RYR2: variants seen among roughly 807,000 people sequenced by gnomAD.
The protein encoded by RYR2 is cardiac muscle ryanodine receptor-calcium release channel.
In RYR2, 227 loss-of-function variants were observed where a neutral mutation model predicts 601.1. The ratio of observed to expected loss-of-function variants is 0.38; its 90% CI spans 0.34 to 0.42. The LOEUF (loss-of-function observed/expected upper bound fraction) is 0.42. Among genes scored for constraint, RYR2 ranks in the 10% least tolerant of loss-of-function variants. RYR2 has a pLI of 1.00. For synonymous variants in RYR2, 2,223 were observed against 2,175.1 expected (o/e 1.02, Z -0.61); for missense variants, 4,646 against 6,156.5 (o/e 0.75, Z 8.21).
chr1:237,804,536 C>A (rs1473153642), intron 98 of RYR2, among the ~76,000 whole-genome samples: 1 of 152,018 alleles, frequency 6.6e-6, no homozygotes, highest in East Asian at 1.9e-4. Flanking sequence ...AGACTGTAGT[C>A]CCATAAGTAA....
chr1:237,369,310 A>AT (rs1172091506), intron 5 of RYR2, among the ~76,000 whole-genome samples: 1 of 152,062 alleles, frequency 6.6e-6, no homozygotes, highest in African/African-American at 2.4e-5. Flanking sequence ...TACCAAGTTT[A>AT]TTTTTCAAGA....
intron 10 of RYR2, among the ~76,000 whole-genome samples, chr1:237,394,406 T>C (rs907498899): frequency 1.3e-5 from 2 of 152,328 alleles, no homozygotes; most frequent in African/African-American, 4.8e-5. Context: ...AATAGAGCTA[T>C]TGTGGCAAAC....
chr1:237,450,981 GTTTATATTGCATATATA>G (rs1658020398), intron 14 of RYR2, among the ~76,000 whole-genome samples: 1 of 151,840 alleles, frequency 6.6e-6, no homozygotes, highest in Non-Finnish European at 1.5e-5. Context: ...CAGTAATCAT[GTTTATATTGCATATATA>G]TTTATATTGC....
At chr1:237,827,885 C>T (rs766685504) in intron 101 of RYR2, among the ~76,000 whole-genome samples, 8 of 131,130 alleles carry the variant, frequency 6.1e-5, no homozygotes, top group Non-Finnish European at 1.1e-4. Flanking sequence ...TGCAGTGAGC[C>T]GAGATTGTGC....
chr1:237,714,056 A>C (rs1689060860), intron 71 of RYR2, among the ~76,000 whole-genome samples: 1 of 152,028 alleles, frequency 6.6e-6, no homozygotes, highest in African/African-American at 2.4e-5. Context: ...TTCTGTTCAT[A>C]ATGTGGCAAA....
chr1:237,318,671 A>G (rs987399214), intron 2 of RYR2, among the ~76,000 whole-genome samples: 1 of 152,152 alleles, frequency 6.6e-6, no homozygotes, highest in African/African-American at 2.4e-5. Context: ...AAAGTCAGCC[A>G]TTAATCATAT....
intron 17 of RYR2, among the ~76,000 whole-genome samples, chr1:237,482,950 C>T (rs960976849): frequency 6.6e-6 from 1 of 152,060 alleles, no homozygotes; most frequent in African/African-American, 2.4e-5. Flanking sequence ...CTCTGATGAT[C>T]CTTCACTGCA....
intron 1 of RYR2, among the ~76,000 whole-genome samples, chr1:237,168,863 T>G (rs1677016079): frequency 6.6e-6 from 1 of 152,208 alleles, no homozygotes; most frequent in Non-Finnish European, 1.5e-5. Flanking sequence ...CTAGGAATAT[T>G]TAAGTCTATC....
At chr1:237,261,359 T>C (rs1031730039) in intron 1 of RYR2, among the ~76,000 whole-genome samples, 1 of 152,196 alleles carries the variant, frequency 6.6e-6, no homozygotes, top group East Asian at 1.9e-4. Context: ...GGTCTTACAC[T>C]GACATCAAGG....
chr1:237,591,880 A>G (rs539759833), intron 32 of RYR2, 27 bp downstream of exon 32: 1 of 1,541,864 alleles, frequency 6.5e-7, no homozygotes, highest in African/African-American at 1.4e-5. Flanking sequence ...TTTGTCGTTT[A>G]TTTCTATCTG....
At position 237,634,956 on chromosome 1, in the gene RYR2, A is replaced by G. The variant is rs1213427497; in HGVS notation, c.6756A>G (p.Glu2252=). ...CAGCTTCGGTGATGGATAATAATGA[A>G]CTAGCATTAGCTCTGCGTGAGCCGG... ...VAAASVMDNN[E]LALALREPDL... The change falls in exon 44 of 105, where the codon GAA becomes GAG. Residue 2252 remains glutamate, a synonymous_variant. Transcript: ENST00000366574. 6.2e-7 allele frequency: 1 copy of G among 1,608,586 alleles called. No individual in the cohort carries two copies. Among genetic ancestry groups the G allele is most frequent in the South Asian group, 1.1e-5 (1 of 89,368 alleles).
intron 1 of RYR2, among the ~76,000 whole-genome samples, chr1:237,177,498 C>G (rs922110797): frequency 1.3e-5 from 2 of 152,108 alleles, no homozygotes; most frequent in African/African-American, 4.8e-5. Context: ...AAACTGCATA[C>G]GAGCATGTTA....
rs574550057 is a variant in RYR2 at position 237,779,193 on chromosome 1, T to A, written c.11880+423T>A. ...TACAGGGTCTTAAACAAGCAGATGT[T>A]CTCAGTAGGGCGATGCTTACCCCTA... is the stretch of plus-strand genomic sequence containing the variant. On this transcript the variant is annotated intron_variant, in intron 88 of 104. Coordinates refer to ENST00000366574, the MANE Select transcript of RYR2 (RefSeq NM_001035.3). Among the ~76,000 whole-genome samples, 19 of 152,282 alleles carry A rather than the reference T, an allele frequency of 1.2e-4. No homozygotes were observed. The South Asian group carries it at 3.3e-3, about 27-fold the overall frequency.
chr1:237,271,669 C>T (rs1047491066), intron 2 of RYR2, among the ~76,000 whole-genome samples: 5 of 152,148 alleles, frequency 3.3e-5, no homozygotes, highest in East Asian at 3.9e-4. Flanking sequence ...GAGGGTAAAA[C>T]TCACAGCCAC....
Position 237,727,054 on chromosome 1 carries a change from G to C in RYR2, c.10726-33G>C, listed in dbSNP as rs73101968. On this transcript the variant is annotated intron_variant, in intron 75 of 104. Coordinates refer to ENST00000366574, the MANE Select transcript of RYR2 (RefSeq NM_001035.3). Reference sequence around the variant, plus strand: ...TATTTGTTTTTGAAGGTAGTTTGGGGTGTAAATATTTATTTGTGTCATTCT... The same window carrying C: ...TATTTGTTTTTGAAGGTAGTTTGGGCTGTAAATATTTATTTGTGTCATTCT... 2.9e-6 allele frequency: 3 copies of C among 1,041,652 alleles called. No individual in the cohort carries two copies. In the South Asian group the frequency reaches 3.8e-5, roughly 13 times the overall value. The allele number at this position is 1,041,652 out of a possible 1,614,324, so 64.5% of individuals were successfully genotyped here. A position where few individuals can be genotyped will look rare whatever the true frequency, so the allele number is the denominator to read the frequency against.
Position 237,707,146 on chromosome 1 carries a change from C to T in RYR2, c.9778C>T (p.Arg3260Trp), listed in dbSNP as rs765325906. 5.5e-5 allele frequency: 88 copies of T among 1,613,618 alleles called. No homozygotes were observed. Among genetic ancestry groups the T allele is most frequent in the South Asian group, 8.8e-5 (8 of 91,060 alleles). ...WEHGPENNPE[R>W]AEMCCTALNS... is the part of the protein sequence containing the mutation. ...GCATGGACCTGAGAACAATCCAGAA[C>T]GGGCCGAGATGTGCTGCACAGCCCT... The change falls in exon 68 of 105, where the codon CGG (arginine) becomes TGG (tryptophan). Residue 3260 changes from arginine to tryptophan, a missense_variant. Physicochemically the swap from Arg to Trp is moderately radical, Grantham distance 101 (BLOSUM62 -3). Around this residue, in one of 17 missense-constraint regions of RYR2, gnomAD observed 1,497 missense variants for 1,842.6 expected, o/e 0.81. Coordinates refer to ENST00000366574, the MANE Select transcript of RYR2 (RefSeq NM_001035.3).
chr1:237,400,361 C>G (rs938948044), intron 10 of RYR2, among the ~76,000 whole-genome samples: 1 of 152,104 alleles, frequency 6.6e-6, no homozygotes, highest in Non-Finnish European at 1.5e-5. Flanking sequence ...AAGGAGGTGG[C>G]AAGAGGTCAG....
At chr1:237,318,475 G>T (rs762136019) in intron 2 of RYR2, among the ~76,000 whole-genome samples, 3 of 152,066 alleles carry the variant, frequency 2.0e-5, no homozygotes, top group South Asian at 2.1e-4. Flanking sequence ...ATTGAAGGAA[G>T]CTCCTTCAGA....
chr1:237,312,859 T>A (rs372549135), intron 2 of RYR2, among the ~76,000 whole-genome samples: 1 of 152,320 alleles, frequency 6.6e-6, no homozygotes, highest in South Asian at 2.1e-4. Context: ...TGGATTAAAA[T>A]GAAAAATAAG....
Sources: allele counts gnomAD v4.1 joint callset (sites outside exome capture counted in the v4.1 genomes callset), GRCh38; gene constraint gnomAD v4.1.1; regional missense constraint gnomAD v4.1.1; transcripts MANE v1.5; gene names NCBI Gene and HGNC (gene_info 2026-07-23, HGNC 2026-07-21).